Variants in ZNF624 observed in about 807,000 individuals in gnomAD.
ZNF624 encodes the protein zinc finger protein 624.
In ZNF624, 43 loss-of-function variants were observed where a neutral mutation model predicts 74.7. That is an observed-to-expected ratio of 0.58 (90% CI 0.45 to 0.74). The LOEUF is 0.74. ZNF624 is among the 30% of genes least tolerant of loss of function. ZNF624 has a pLI of 0.00. For missense variants in ZNF624, 820 were observed against 1,030.0 expected, an observed-to-expected ratio of 0.80 and a Z score of 2.79; for synonymous variants, 331 against 341.3, an observed-to-expected ratio of 0.97 and a Z score of 0.33.
chr17:16,617,277 T>C (rs995266656), downstream of ZNF624: 63 of 1,613,554 alleles, frequency 3.9e-5, no homozygotes, highest in Non-Finnish European at 5.1e-5. Flanking sequence ...TTCGTGACCA[T>C]CTTCTAGATC....
rs1319748794 is a variant in ZNF624, at chr17:16,633,860, A to G, written c.376+2T>C. ...CCATCTTCTTGGTTCTGTTTAACTC[A>G]CCAGGATAGGGAATTCTTGAAATTT... On this transcript the variant is annotated splice_donor_variant, in intron 5 of 5. Coordinates refer to ENST00000311331, the MANE Select transcript of ZNF624 (RefSeq NM_020787.4). LOFTEE classifies it high-confidence loss of function. 6.2e-7 allele frequency: 1 copy of G among 1,610,696 alleles called. No individual in the cohort carries two copies. The highest frequency in any genetic ancestry group is 8.5e-7 in the Non-Finnish European group (1 of 1,177,110).
chr17:16,641,590 T>C (rs1909468998), intron 3 of ZNF624, among the ~76,000 whole-genome samples: 1 of 152,232 alleles, frequency 6.6e-6, no homozygotes, highest in Admixed American at 6.5e-5. Flanking sequence ...AGACATTCCT[T>C]CTCACTTCTA....
At chr17:16,619,005 A>C (rs1243505174), downstream of ZNF624, among the ~76,000 whole-genome samples, 1 of 152,234 alleles carries the variant, frequency 6.6e-6, no homozygotes. Flanking sequence ...CTGTACTATC[A>C]GTTTTCATTT....
chr17:16,615,956 CATATATATATATATAT>C (rs56321425), downstream of ZNF624, among the ~76,000 whole-genome samples: 732 of 90,310 alleles, frequency 8.1e-3, 7 homozygotes, highest in African/African-American at 0.023. Flanking sequence ...ATTCCATATA[CATATATATATATATAT>C]ATATATATAT....
chr17:16,641,359 T>G (rs139670267), intron 3 of ZNF624, among the ~76,000 whole-genome samples: 221 of 152,302 alleles, frequency 1.5e-3, no homozygotes, highest in African/African-American at 5.0e-3. Context: ...TTTGGCTCAT[T>G]GCAACCTCCA....
intron 3 of ZNF624, among the ~76,000 whole-genome samples, chr17:16,642,735 G>A (rs9910842): frequency 0.23 from 34,974 of 152,030 alleles, 4,448 homozygotes; most frequent in East Asian, 0.35. Flanking sequence ...AAAGCCAACC[G>A]AAGAATGTAA....
downstream of ZNF624, chr17:16,617,499 A>G (rs1908813720): frequency 6.3e-7 from 1 of 1,598,644 alleles, no homozygotes; most frequent in Admixed American, 1.7e-5. Context: ...GTCGCATAAA[A>G]TCCTTTAAAT....
intron 5 of ZNF624, among the ~76,000 whole-genome samples, chr17:16,625,148 A>C (rs1909039883): frequency 6.6e-6 from 1 of 151,992 alleles, no homozygotes; most frequent in Non-Finnish European, 1.5e-5. Flanking sequence ...TTTACTCCAC[A>C]AACCAGACTT....
At position 16,622,364 on chromosome 17, in the gene ZNF624, C is replaced by T. The variant is rs1296341100; in HGVS notation, c.2522G>A (p.Cys841Tyr). ...TGEKPYKCNECGKAFRSSSSL... is the reference protein window; with the variant it reads ...TGEKPYKCNEYGKAFRSSSSL... ...CGAACTACTCCTGAAGGCTTTTCCA[C>T]ATTCATTACATTTATAGGGTTTTTC... The change falls in exon 6 of 6, where the codon TGT (cysteine) becomes TAT (tyrosine). Residue 841 changes from cysteine (C) to tyrosine (Y), a missense_variant. Coordinates refer to ENST00000311331, the MANE Select transcript of ZNF624 (RefSeq NM_020787.4). 6.2e-7 allele frequency: 1 copy of T among 1,613,278 alleles called. No individual in the cohort carries two copies. The highest frequency in any genetic ancestry group is 2.2e-5 in the East Asian group (1 of 44,884).
chr17:16,649,304 A>G (rs1480727447), intron 2 of ZNF624, among the ~76,000 whole-genome samples: 2 of 152,200 alleles, frequency 1.3e-5, no homozygotes, highest in Admixed American at 1.3e-4. Context: ...TATTTTCCCC[A>G]TAATTTCCTA....
chr17:16,634,693 G>T lies in ZNF624; in HGVS notation c.217C>A (p.Pro73Thr), dbSNP rs745893221. The change falls in exon 4 of 6, where the codon CCT (proline) becomes ACT (threonine). Residue 73 changes from proline to threonine, a missense_variant. By Grantham distance (38) the Pro-to-Thr change is conservative. Transcript: ENST00000311331. ...FTLEEWRLMD[P>T]TQRNLHKDVM... ...TCCTTGTGCAGGTTCCTCTGTGTAG[G>T]GTCCATCAACCTCCACTCCTCCAAT... 14 of 1,613,646 alleles carry T rather than the reference G, an allele frequency of 8.7e-6. No individual in the cohort carries two copies. In the Admixed American group the frequency reaches 2.3e-4, roughly 27 times the overall value.
intron 4 of ZNF624, 57 bp downstream of exon 4, chr17:16,634,573 T>C: frequency 6.4e-7 from 1 of 1,566,210 alleles, no homozygotes; most frequent in Non-Finnish European, 8.6e-7. Flanking sequence ...CCCTTTATCT[T>C]TGGCAAACCT....
At chr17:16,652,284 G>C (rs1909744317) in intron 1 of ZNF624, among the ~76,000 whole-genome samples, 1 of 151,966 alleles carries the variant, frequency 6.6e-6, no homozygotes, top group Non-Finnish European at 1.5e-5. Context: ...TGACCCCCAA[G>C]TTTTACAAGG....
At chr17:16,653,397 A>C (rs775952995) in intron 1 of ZNF624, among the ~76,000 whole-genome samples, 1 of 152,228 alleles carries the variant, frequency 6.6e-6, no homozygotes, top group Non-Finnish European at 1.5e-5. Context: ...AGGGCCTGCA[A>C]GGCGCGGGGC....
At chr17:16,640,832 T>C (rs1035334552) in intron 3 of ZNF624, among the ~76,000 whole-genome samples, 8 of 152,202 alleles carry the variant, frequency 5.3e-5, no homozygotes, top group Middle Eastern at 3.4e-3. Flanking sequence ...TTCCAAAAAA[T>C]GGAAGGGAAA....
intron 5 of ZNF624, among the ~76,000 whole-genome samples, chr17:16,630,005 C>T (rs1909168876): frequency 6.6e-6 from 1 of 152,172 alleles, no homozygotes; most frequent in African/African-American, 2.4e-5. Context: ...CCTATGGATT[C>T]CTTGGTGCTA....
In ZNF624 at chr17:16,634,614, G is replaced by C; in HGVS notation, c.280+16C>G. 6.2e-7 allele frequency: 1 copy of C among 1,609,940 alleles called. No homozygotes were observed. Among genetic ancestry groups the C allele is most frequent in the African/African-American group, 1.3e-5 (1 of 74,866 alleles). On this transcript the variant is annotated intron_variant, in intron 4 of 5. Coordinates refer to ENST00000311331, the MANE Select transcript of ZNF624 (RefSeq NM_020787.4). ...AATGGGCAGATCAATCAACACAGAA[G>C]AGAAGTTATCCTTACCCAGGGAGAC...
At chr17:16,632,987 T>A (rs184022102) in intron 5 of ZNF624, among the ~76,000 whole-genome samples, 1 of 152,302 alleles carries the variant, frequency 6.6e-6, no homozygotes, top group African/African-American at 2.4e-5. Flanking sequence ...CTGGAATACT[T>A]CTCTTTTCCT....
chr17:16,618,817 G>A (rs907632498), downstream of ZNF624, among the ~76,000 whole-genome samples: 2 of 151,920 alleles, frequency 1.3e-5, no homozygotes, highest in Non-Finnish European at 2.9e-5. Flanking sequence ...TCTAGCTTAC[G>A]TAAGAGTACA....
Sources: gnomAD v4.1 joint callset for allele counts (sites outside exome capture counted in the v4.1 genomes callset) on GRCh38, gnomAD v4.1.1 for gene constraint, MANE v1.5 for transcripts, NCBI Gene and HGNC (gene_info 2026-07-23, HGNC 2026-07-21) for gene names.